PNPLA8: variants seen among roughly 807,000 people sequenced by gnomAD.
The protein encoded by PNPLA8 is patatin like domain 8, phospholipase A2, also known as calcium-independent phospholipase A2-gamma.
PNPLA8 carries 39 observed loss-of-function variants against 76.9 expected under a neutral mutation model. The observed-to-expected ratio is 0.51, with a 90% CI of 0.39 to 0.66. PNPLA8 has a LOEUF of 0.66. Among genes scored for constraint, PNPLA8 ranks in the 30% least tolerant of loss-of-function variants. PNPLA8 has a pLI of 0.00. For missense variants in PNPLA8, 887 were observed against 918.0 expected (o/e 0.97, Z 0.44); for synonymous variants, 301 against 307.9 (o/e 0.98, Z 0.24).
At chr7:108,506,132 C>T (rs1261889784) in intron 4 of PNPLA8, among the ~76,000 whole-genome samples, 1 of 152,172 alleles carries the variant, frequency 6.6e-6, no homozygotes, top group Non-Finnish European at 1.5e-5. Flanking sequence ...AATCCCAATA[C>T]TTTGGGAGGC....
intron 10 of PNPLA8, among the ~76,000 whole-genome samples, chr7:108,473,695 T>C (rs1859781451): frequency 6.6e-6 from 1 of 152,232 alleles, no homozygotes; most frequent in South Asian, 2.1e-4. Flanking sequence ...TCTTCTTTAA[T>C]GAAGTGTCTG....
intron 4 of PNPLA8, 76 bp from the exon 5 acceptor site, chr7:108,502,718 C>A: frequency 2.0e-6 from 2 of 1,014,112 alleles, no homozygotes; most frequent in Admixed American, 2.2e-5. Context: ...TTAACCAATA[C>A]ATGCAGTTCA....
intron 2 of PNPLA8, among the ~76,000 whole-genome samples, chr7:108,518,826 TG>T (rs1863544958): frequency 6.6e-6 from 1 of 150,882 alleles, no homozygotes; most frequent in Admixed American, 6.6e-5. Context: ...TGAAATCTTA[TG>T]GACACACATA....
chr7:108,502,636 T>C lies in PNPLA8; in HGVS notation c.1213A>G (p.Ile405Val). 1 of 1,603,946 alleles carries C rather than the reference T, an allele frequency of 6.2e-7. No individual in the cohort carries two copies. Among genetic ancestry groups the C allele is most frequent in the Non-Finnish European group, 8.5e-7 (1 of 1,172,640 alleles). ...CTCAGTCGTAATAAATATGGAATAA[T>C]TCTTTCCTATATTGAGAGAAAAGAT... is the stretch of plus-strand genomic sequence containing the variant. ...EGKGVAVKERIIPYLLRLRQI... is the reference protein window; with the variant it reads ...EGKGVAVKERVIPYLLRLRQI... Residue 405 changes from isoleucine to valine, a missense_variant, in exon 5 of 11, where the codon ATT (isoleucine) becomes GTT (valine). Coordinates refer to ENST00000257694, the MANE Select transcript of PNPLA8 (RefSeq NM_001256007.3).
chr7:108,517,244 C>T (rs1863410282), intron 2 of PNPLA8, among the ~76,000 whole-genome samples: 1 of 152,136 alleles, frequency 6.6e-6, no homozygotes, highest in Non-Finnish European at 1.5e-5. Context: ...GAATACAGAA[C>T]ATTGAGAACA....
At chr7:108,475,396 T>C (rs1245965124) in intron 10 of PNPLA8, among the ~76,000 whole-genome samples, 1 of 152,106 alleles carries the variant, frequency 6.6e-6, no homozygotes, top group East Asian at 1.9e-4. Context: ...TGGAGACCAC[T>C]ATTCTGGGTC....
intron 1 of PNPLA8, among the ~76,000 whole-genome samples, chr7:108,525,564 A>G (rs969011806): frequency 6.6e-6 from 1 of 152,240 alleles, no homozygotes; most frequent in Non-Finnish European, 1.5e-5. Context: ...TCAAATGTGG[A>G]TGGGGTCAGA....
intron 2 of PNPLA8, among the ~76,000 whole-genome samples, chr7:108,515,806 A>C (rs1410485099): frequency 1.3e-5 from 2 of 152,236 alleles, no homozygotes; most frequent in African/African-American, 4.8e-5. Context: ...AGGGAGAAGA[A>C]CTAATTTAGG....
rs1363330526 is a variant in PNPLA8 at position 108,470,863 on chromosome 7, C to CA, written c.*1537dup. The CA allele has an allele frequency of 1.3e-5, 2 of 152,156 alleles. No individual in the cohort carries two copies. Among genetic ancestry groups the CA allele is most frequent in the African/African-American group, 4.8e-5 (2 of 41,442 alleles). 9.4% of individuals were successfully genotyped at this position (152,156 alleles called of 1,614,324 possible). A position where few individuals can be genotyped will look rare whatever the true frequency, so the allele number is the denominator to read the frequency against. On this transcript the variant is annotated 3_prime_UTR_variant, in exon 11 of 11. Transcript: ENST00000257694. ...CAGACATTTGCCTTCCTCAAGGTAA[C>CA]AAACAGAAGGGTTCTTGCAGCAAAG...
chr7:108,524,006 C>A (rs1863916920), intron 1 of PNPLA8, among the ~76,000 whole-genome samples: 1 of 152,034 alleles, frequency 6.6e-6, no homozygotes, highest in Admixed American at 6.6e-5. Flanking sequence ...GTGAAGGGGA[C>A]AATTTAATAG....
intron 2 of PNPLA8, among the ~76,000 whole-genome samples, chr7:108,518,744 T>TACAC (rs1219197816): frequency 1.3e-5 from 1 of 78,824 alleles, no homozygotes; most frequent in Non-Finnish European, 2.6e-5. Flanking sequence ...TATATATATA[T>TACAC]ATATATATAT....
intron 5 of PNPLA8, among the ~76,000 whole-genome samples, chr7:108,501,192 C>T (rs937598348): frequency 6.6e-6 from 1 of 151,976 alleles, no homozygotes; most frequent in Admixed American, 6.6e-5. Flanking sequence ...CTATGAATTA[C>T]AAGGTAACAG....
At chr7:108,519,025 C>A in intron 2 of PNPLA8, among the ~76,000 whole-genome samples, 1 of 145,616 alleles carries the variant, frequency 6.9e-6, no homozygotes. Context: ...ACAGAAGGTA[C>A]CATGTGAATG....
chr7:108,503,894 C>T (rs1862142121), intron 4 of PNPLA8, among the ~76,000 whole-genome samples: 1 of 152,126 alleles, frequency 6.6e-6, no homozygotes, highest in South Asian at 2.1e-4. Flanking sequence ...GGGCTTCAAA[C>T]ACATGGTTGG....
rs115373280 is a variant in PNPLA8 at position 108,494,575 on chromosome 7, A to G, written c.1625+2009T>C. On this transcript the variant is annotated intron_variant, in intron 7 of 10. Transcript: ENST00000257694. ...ATAACTGCATAGTATTCCACAATGC[A>G]TATGTGCCACATTTTCTTTATCCAA... 9.9e-3 allele frequency among the ~76,000 whole-genome samples: 1,504 copies of G among 152,310 alleles called. 26 individuals are homozygous for G. The highest frequency in any genetic ancestry group is 0.034 in the African/African-American group (1,398 of 41,558).
chr7:108,524,633 T>C (rs34164886), intron 1 of PNPLA8, among the ~76,000 whole-genome samples: 15,419 of 152,176 alleles, frequency 0.1, 814 homozygotes, highest in Non-Finnish European at 0.11. Context: ...GAGAGCAGCC[T>C]GGCCAACATG....
rs1027465844 is a variant in PNPLA8 at position 108,505,248 on chromosome 7, A to C, written c.1207-2606T>G. Among the ~76,000 whole-genome samples, 12 of 139,586 alleles carry C rather than the reference A, an allele frequency of 8.6e-5. 1 individual carries two copies. Among genetic ancestry groups the C allele is most frequent in the African/African-American group, 3.3e-4 (12 of 36,560 alleles). The allele number at this position is 139,586 out of a possible 152,430, so 91.6% of individuals were successfully genotyped here. Reference sequence around the variant, plus strand: ...ACCAAATCTATTCTAGATGAATACTAGATAGAAGAGTAAAAGGCAAAGCAA... The same window carrying C: ...ACCAAATCTATTCTAGATGAATACTCGATAGAAGAGTAAAAGGCAAAGCAA... On this transcript the variant is annotated intron_variant, in intron 4 of 10. Transcript: ENST00000257694.
At chr7:108,492,032 T>C (rs1270616560) in intron 7 of PNPLA8, among the ~76,000 whole-genome samples, 1 of 152,208 alleles carries the variant, frequency 6.6e-6, no homozygotes, top group African/African-American at 2.4e-5. Context: ...ATTACAGAAA[T>C]TGTCCTTGGG....
chr7:108,496,630 A>G lies in PNPLA8; in HGVS notation c.1579T>C (p.Trp527Arg). The change falls in exon 7 of 11, where the codon TGG (tryptophan) becomes CGG (arginine). Residue 527 changes from tryptophan to arginine, a missense_variant. Physicochemically the swap from Trp to Arg is moderately radical, Grantham distance 101. Transcript: ENST00000257694. ...NVIVGTVKMSWSHAFYDSQTW... is the reference protein window; with the variant it reads ...NVIVGTVKMSRSHAFYDSQTW... ...TGACTGTCATAAAATGCATGGCTCC[A>G]ACTCATTTTTACTGTTCCAACAATG... 2 of 1,608,908 alleles carry G rather than the reference A, an allele frequency of 1.2e-6. No individual in the cohort carries two copies. Among genetic ancestry groups the G allele is most frequent in the Non-Finnish European group, 1.7e-6 (2 of 1,178,128 alleles).
Sources: allele counts gnomAD v4.1 joint callset (sites outside exome capture counted in the v4.1 genomes callset), GRCh38; gene constraint gnomAD v4.1.1; transcripts MANE v1.5; gene names NCBI Gene and HGNC (gene_info 2026-07-23, HGNC 2026-07-21).